MEGF10: variants seen among roughly 807,000 people sequenced by gnomAD.
MEGF10 encodes multiple EGF like domains 10, also known as multiple epidermal growth factor-like domains protein 10.
A neutral mutation model predicts 147.5 loss-of-function variants in MEGF10; 86 were observed. The ratio of observed to expected loss-of-function variants is 0.58; its 90% CI spans 0.49 to 0.70. The LOEUF (loss-of-function observed/expected upper bound fraction) is 0.70, where lower values mean the gene tolerates loss of function less well. MEGF10 is among the 30% of genes least tolerant of loss of function. The pLI is 0.00. For missense variants in MEGF10, 1,329 were observed against 1,487.3 expected, an observed-to-expected ratio of 0.89 and a Z score of 1.75; for synonymous variants, 478 against 525.5, an observed-to-expected ratio of 0.91 and a Z score of 1.24.
At position 127,301,303 on chromosome 5, in the gene MEGF10, G is replaced by A. The variant is rs139181012; in HGVS notation, c.-19+10247G>A. 1.0e-3 allele frequency among the ~76,000 whole-genome samples: 157 copies of A among 152,240 alleles called. 2 individuals carry two copies. In the East Asian group the frequency reaches 0.029, roughly 28 times the overall value. ...GTGGCGCTGCATATATTATACTAAAGTGAGCCATGAGTCATTGTACTGATA... is the reference window on the plus strand; with the variant it reads ...GTGGCGCTGCATATATTATACTAAAATGAGCCATGAGTCATTGTACTGATA... On this transcript the variant is annotated intron_variant, in intron 1 of 24. Transcript: ENST00000503335.
Position 127,398,769 on chromosome 5 carries a change from A to G in MEGF10, c.753A>G (p.Gly251=), listed in dbSNP as rs755015922. ...QNGGVCHHVT[G]ECSCPSGWMG... is the part of the protein sequence containing the mutation. Reference sequence around the variant, plus strand: ...GAGGAGTGTGTCATCACGTCACTGGAGAATGCTCTTGCCCTTCTGGCTGGA... The same window carrying G: ...GAGGAGTGTGTCATCACGTCACTGGGGAATGCTCTTGCCCTTCTGGCTGGA... The change falls in exon 7 of 25, where the codon GGA becomes GGG. Residue 251 remains glycine, a synonymous_variant. Transcript: ENST00000503335. 2 of 1,613,886 alleles carry G rather than the reference A, an allele frequency of 1.2e-6. No homozygotes were observed. The highest frequency in any genetic ancestry group is 1.1e-5 in the South Asian group (1 of 91,068).
chr5:127,246,278 A>G, the MEGF10 span, among the ~76,000 whole-genome samples: 1 of 152,208 alleles, frequency 6.6e-6, no homozygotes, highest in East Asian at 1.9e-4. Context: ...TGCAGCCGTA[A>G]GAAGAATGAG....
rs1212215889 is a variant in MEGF10, at chr5:127,458,470, CTA to C, written c.*1154_*1155del. ...TATTTCCATTTTTAAATTGCATATT[CTA>C]TGTTTTGTAGTGTTTGGATTGTTAA... On this transcript the variant is annotated 3_prime_UTR_variant, in exon 25 of 25. Coordinates refer to ENST00000503335, the MANE Select transcript of MEGF10 (RefSeq NM_001256545.2). 6.6e-6 allele frequency: 1 copy of C among 151,974 alleles called. No individual in the cohort carries two copies. The highest frequency in any genetic ancestry group is 1.5e-5 in the Non-Finnish European group (1 of 67,988). The allele number at this position is 151,974 out of a possible 1,614,324, so 9.4% of individuals were successfully genotyped here.
At chr5:127,320,303 G>A (rs1760740567) in intron 1 of MEGF10, among the ~76,000 whole-genome samples, 1 of 152,124 alleles carries the variant, frequency 6.6e-6, no homozygotes, top group Non-Finnish European at 1.5e-5. Flanking sequence ...AAATGGCAGG[G>A]AAGGACAAAC....
chr5:127,435,318 A>C, intron 15 of MEGF10, 43 bp from the exon 16 acceptor site: 1 of 1,608,740 alleles, frequency 6.2e-7, no homozygotes, highest in Non-Finnish European at 8.5e-7. Flanking sequence ...GTTCTGCGAG[A>C]GGGGTTTTGA....
chr5:127,270,384 G>A, the MEGF10 span, among the ~76,000 whole-genome samples: 1 of 152,158 alleles, frequency 6.6e-6, no homozygotes, highest in African/African-American at 2.4e-5. Flanking sequence ...AGGGATGGAG[G>A]AAGATCTACC....
chr5:127,345,962 C>T (rs1761869713), intron 4 of MEGF10, among the ~76,000 whole-genome samples: 1 of 152,130 alleles, frequency 6.6e-6, no homozygotes, highest in Non-Finnish European at 1.5e-5. Context: ...GTTTTCCATT[C>T]CTGAGTGACT....
intron 5 of MEGF10, among the ~76,000 whole-genome samples, chr5:127,393,575 G>A (rs779251402): frequency 2.6e-5 from 4 of 152,240 alleles, no homozygotes; most frequent in Non-Finnish European, 5.9e-5. Flanking sequence ...AATAGACCAT[G>A]TTGATGTATG....
Position 127,352,609 on chromosome 5 carries a change from C to T in MEGF10, c.319+11979C>T, listed in dbSNP as rs903945672. The stretch of plus-strand genomic sequence containing the variant: ...CCAGGAGGTGGAGGTTGCAGTGAGC[C>T]GGAGCCGAGATGGCGACATTGCACT... On this transcript the variant is annotated intron_variant, in intron 4 of 24. Transcript: ENST00000503335. 5.0e-4 allele frequency among the ~76,000 whole-genome samples: 76 copies of T among 151,862 alleles called. 1 individual carries two copies. Among genetic ancestry groups the T allele is most frequent in the African/African-American group, 1.7e-3 (72 of 41,378 alleles).
intron 12 of MEGF10, among the ~76,000 whole-genome samples, 169 bp from the exon 13 acceptor site, chr5:127,422,501 G>A (rs532733906): frequency 2.6e-5 from 4 of 152,164 alleles, no homozygotes; most frequent in East Asian, 1.9e-4. Flanking sequence ...GCAACAGAGC[G>A]AGACTCCATC....
chr5:127,435,356 C>T lies in MEGF10; in HGVS notation c.1976-5C>T. 1 of 1,613,744 alleles carries T rather than the reference C, an allele frequency of 6.2e-7. No individual in the cohort carries two copies. The highest frequency in any genetic ancestry group is 8.5e-7 in the Non-Finnish European group (1 of 1,179,816). On this transcript the variant is annotated splice_polypyrimidine_tract_variant and splice_region_variant and intron_variant, in intron 15 of 24. Transcript: ENST00000503335. Reference sequence around the variant, plus strand: ...GTGAGTTACTGACCTATAGCTTATTCACAGTGTGTCCCAGTGGCAGATTTG... The same window carrying T: ...GTGAGTTACTGACCTATAGCTTATTTACAGTGTGTCCCAGTGGCAGATTTG...
the MEGF10 span, among the ~76,000 whole-genome samples, chr5:127,263,777 C>T: frequency 6.6e-6 from 1 of 151,948 alleles, no homozygotes; most frequent in Non-Finnish European, 1.5e-5. Flanking sequence ...GTTCGATTAC[C>T]AAGGTACTTA....
rs183141739 is a variant in MEGF10 at position 127,313,018 on chromosome 5, C to T, written c.-18-18273C>T. Among the ~76,000 whole-genome samples the T allele has an allele frequency of 2.1e-4, 32 of 152,208 alleles. 1 individual carries two copies. The East Asian group carries it at 5.0e-3, about 24-fold the overall frequency. On this transcript the variant is annotated intron_variant, in intron 1 of 24. Coordinates refer to ENST00000503335, the MANE Select transcript of MEGF10 (RefSeq NM_001256545.2). ...TTAAATGATGAACATGAATCTGGCTCATCATTAAAGGAAATTAATCTAAGA... is the reference window on the plus strand; with the variant it reads ...TTAAATGATGAACATGAATCTGGCTTATCATTAAAGGAAATTAATCTAAGA...
In MEGF10 at chr5:127,440,884, G is replaced by T. The variant is rs374433460; in HGVS notation, c.2362+17G>T. The T allele has an allele frequency of 2.5e-6, 4 of 1,608,632 alleles. No individual in the cohort carries two copies. The highest frequency in any genetic ancestry group is 3.3e-4 in the Middle Eastern group (2 of 6,040). Reference sequence around the variant, plus strand: ...GTGAGCAGAGTAAGTATGAGAGTGTGGCATCACTGGGTGGTATTTTTTTCC... The same window carrying T: ...GTGAGCAGAGTAAGTATGAGAGTGTTGCATCACTGGGTGGTATTTTTTTCC... On this transcript the variant is annotated intron_variant, in intron 18 of 24. Transcript: ENST00000503335.
chr5:127,299,928 A>T (rs1759695181), intron 1 of MEGF10: 1 of 152,098 alleles, frequency 6.6e-6, no homozygotes, highest in African/African-American at 2.4e-5. Flanking sequence ...GGAGAGGGCA[A>T]TATGTGATTT....
chr5:127,409,539 C>G (rs184594481), intron 8 of MEGF10: 1 of 152,236 alleles, frequency 6.6e-6, no homozygotes, highest in Non-Finnish European at 1.5e-5. Context: ...TTTTCTATCT[C>G]GATTCCCTCT....
chr5:127,392,859 A>G (rs1763755566), intron 5 of MEGF10, among the ~76,000 whole-genome samples: 2 of 152,182 alleles, frequency 1.3e-5, no homozygotes, highest in Non-Finnish European at 2.9e-5. Context: ...ATGAGAGCTT[A>G]TTAGAGCAAG....
intron 1 of MEGF10, among the ~76,000 whole-genome samples, chr5:127,315,539 G>A (rs943164473): frequency 1.3e-5 from 2 of 152,278 alleles, no homozygotes; most frequent in African/African-American, 4.8e-5. Flanking sequence ...ACTTTTGGAG[G>A]CTGATAGAGG....
chr5:127,305,152 G>T (rs528989154), intron 1 of MEGF10, among the ~76,000 whole-genome samples: 11 of 152,254 alleles, frequency 7.2e-5, no homozygotes, highest in African/African-American at 2.6e-4. Flanking sequence ...GAGGCCAAAA[G>T]GTTACAGAAT....
Sources: gnomAD v4.1 joint callset for allele counts (sites outside exome capture counted in the v4.1 genomes callset) on GRCh38, gnomAD v4.1.1 for gene constraint, MANE v1.5 for transcripts, NCBI Gene and HGNC (gene_info 2026-07-23, HGNC 2026-07-21) for gene names.